LGI2: variants seen among roughly 807,000 people sequenced by gnomAD.
The protein encoded by LGI2 is leucine-rich repeat LGI family member 2.
LGI2 carries 30 observed loss-of-function variants against 52.0 expected under a neutral mutation model. The observed-to-expected ratio is 0.58, with a 90% CI of 0.43 to 0.78. The LOEUF (loss-of-function observed/expected upper bound fraction) is 0.78, where lower values mean the gene tolerates loss of function less well. Among genes scored for constraint, LGI2 ranks in the 30% least tolerant of loss-of-function variants. The pLI is 0.00. For synonymous variants in LGI2, 270 were observed against 271.8 expected (o/e 0.99, Z 0.06); for missense variants, 573 against 692.5 (o/e 0.83, Z 1.94).
rs1343070540 is a variant in LGI2 at position 25,030,620 on chromosome 4, G to T, written c.74C>A (p.Pro25Gln). 1 of 1,556,482 alleles carries T rather than the reference G, an allele frequency of 6.4e-7. No homozygotes were observed. Among genetic ancestry groups the T allele is most frequent in the African/African-American group, 1.4e-5 (1 of 73,434 alleles). Reference protein sequence around the residue: ...LLLLGAACLIPRSAQVRRLAR... With the variant: ...LLLLGAACLIQRSAQVRRLAR... ...CAGCCGCCTCACCTGCGCGCTCCGC[G>T]GTATCAGGCACGCGGCGCCCAGCAG... Residue 25 changes from proline (P) to glutamine (Q), a missense_variant, in exon 1 of 8, where the codon CCG becomes CAG. Pro to Gln is a moderately conservative substitution (Grantham distance 76). Transcript: ENST00000382114.
At chr4:24,994,467 G>A (rs1724999549), downstream of LGI2, among the ~76,000 whole-genome samples, 1 of 152,164 alleles carries the variant, frequency 6.6e-6, no homozygotes, top group Non-Finnish European at 1.5e-5. Context: ...GCACAAGTCT[G>A]CAGGCCTCAC....
At chr4:25,008,739 C>G (rs1250748300) in intron 7 of LGI2, among the ~76,000 whole-genome samples, 1 of 152,140 alleles carries the variant, frequency 6.6e-6, no homozygotes, top group African/African-American at 2.4e-5. Context: ...AGATCAAAAG[C>G]CAGTCTGATG....
chr4:25,008,218 G>A (rs1044456444), intron 7 of LGI2, among the ~76,000 whole-genome samples: 2 of 152,090 alleles, frequency 1.3e-5, no homozygotes, highest in Non-Finnish European at 2.9e-5. Context: ...AGAGTCTGTG[G>A]GTGGAAAAGG....
At chr4:25,027,724 A>T (rs550427758) in intron 2 of LGI2, among the ~76,000 whole-genome samples, 20 of 152,336 alleles carry the variant, frequency 1.3e-4, no homozygotes, top group African/African-American at 4.8e-4. Flanking sequence ...CTCATCTCAA[A>T]TTTAAGAAAC....
Position 25,001,956 on chromosome 4 carries a change from C to T in LGI2, c.*1495G>A, listed in dbSNP as rs533062081. The T allele has an allele frequency of 1.3e-5, 2 of 152,352 alleles. No individual in the cohort carries two copies. Among genetic ancestry groups the T allele is most frequent in the South Asian group, 4.1e-4 (2 of 4,828 alleles). The allele number at this position is 152,352 out of a possible 1,614,324, so 9.4% of individuals were successfully genotyped here. A position where few individuals can be genotyped will look rare whatever the true frequency, so the allele number is the denominator to read the frequency against. Reference sequence around the variant, plus strand: ...CTAGGAATGAAGTTGTTGGGTTTCTCTTTCAGAGCTACCCCTAAAGGCATT... The same window carrying T: ...CTAGGAATGAAGTTGTTGGGTTTCTTTTTCAGAGCTACCCCTAAAGGCATT... On this transcript the variant is annotated 3_prime_UTR_variant, in exon 8 of 8. Coordinates refer to ENST00000382114, the MANE Select transcript of LGI2 (RefSeq NM_018176.4).
chr4:25,011,828 T>C (rs576499485), intron 7 of LGI2, among the ~76,000 whole-genome samples: 2 of 152,324 alleles, frequency 1.3e-5, no homozygotes, highest in East Asian at 3.9e-4. Flanking sequence ...AAATGCCTAA[T>C]TTAGGGATCC....
At chr4:25,017,487 A>G (rs1725808647) in intron 6 of LGI2, among the ~76,000 whole-genome samples, 1 of 134,288 alleles carries the variant, frequency 7.4e-6, no homozygotes, top group Admixed American at 8.3e-5. Context: ...GATTGCAGTG[A>G]GTTGAGATCA....
rs1024689288 is a variant in LGI2 at position 25,003,117 on chromosome 4, G to A, written c.*334C>T. 1 of 189,842 alleles carries A rather than the reference G, an allele frequency of 5.3e-6. No individual in the cohort carries two copies. The allele number at this position is 189,842 out of a possible 1,614,324, so 11.8% of individuals were successfully genotyped here. The stretch of plus-strand genomic sequence containing the variant: ...TTTTTTTTATTTCATTATAAGTGCT[G>A]TCCCATCTTATCCAATTGTCTTCTT... On this transcript the variant is annotated 3_prime_UTR_variant, in exon 8 of 8. Coordinates refer to ENST00000382114, the MANE Select transcript of LGI2 (RefSeq NM_018176.4).
rs1725298385 is a variant in LGI2 at position 25,003,245 on chromosome 4, A to G, written c.*206T>C. 2.4e-5 allele frequency: 11 copies of G among 466,222 alleles called. No homozygotes were observed. The highest frequency in any genetic ancestry group is 3.7e-5 in the Non-Finnish European group (10 of 267,774). The allele number at this position is 466,222 out of a possible 1,614,324, so 28.9% of individuals were successfully genotyped here. A position where few individuals can be genotyped will look rare whatever the true frequency, so the allele number is the denominator to read the frequency against. ...TACAGGCTTTAAGATTTTTTTTTAAATGGTAGAATGGGCATGTCATGCAGT... is the reference window on the plus strand; with the variant it reads ...TACAGGCTTTAAGATTTTTTTTTAAGTGGTAGAATGGGCATGTCATGCAGT... On this transcript the variant is annotated 3_prime_UTR_variant, in exon 8 of 8. Coordinates refer to ENST00000382114, the MANE Select transcript of LGI2 (RefSeq NM_018176.4).
chr4:25,021,856 G>T (rs1322412113), intron 4 of LGI2, among the ~76,000 whole-genome samples: 1 of 147,576 alleles, frequency 6.8e-6, no homozygotes, highest in African/African-American at 2.5e-5. Flanking sequence ...GCTTGAACTC[G>T]CAAGGCTGAG....
downstream of LGI2, among the ~76,000 whole-genome samples, chr4:24,995,921 T>C (rs1725062426): frequency 6.6e-6 from 1 of 152,128 alleles, no homozygotes; most frequent in Non-Finnish European, 1.5e-5. Flanking sequence ...AAAACTGATA[T>C]GGATAAATAT....
chr4:25,024,997 A>AT (rs1035864341), intron 3 of LGI2, 106 bp from the exon 4 acceptor site: 66 of 743,028 alleles, frequency 8.9e-5, no homozygotes, highest in Admixed American at 5.6e-4. Context: ...TTCCTGAATT[A>AT]TAAGAATTGA....
intron 6 of LGI2, among the ~76,000 whole-genome samples, chr4:25,012,884 T>A (rs899570560): frequency 2.0e-5 from 3 of 152,242 alleles, no homozygotes; most frequent in Non-Finnish European, 4.4e-5. Flanking sequence ...AAGCGGGGGC[T>A]GCGGTCCAGT....
At chr4:25,016,602 A>T (rs1725768082) in intron 6 of LGI2, among the ~76,000 whole-genome samples, 1 of 152,200 alleles carries the variant, frequency 6.6e-6, no homozygotes, top group South Asian at 2.1e-4. Context: ...TGATGAAAGG[A>T]AAAGTCATTT....
At chr4:24,992,717 C>T in the LGI2 span, among the ~76,000 whole-genome samples, 1 of 152,022 alleles carries the variant, frequency 6.6e-6, no homozygotes, top group Non-Finnish European at 1.5e-5. Flanking sequence ...ATTAGACAGC[C>T]CTTCATGAAG....
In LGI2 at chr4:25,012,342, G is replaced by C; in HGVS notation, c.813C>G (p.Asn271Lys). The change falls in exon 7 of 8, where the codon AAC becomes AAG. Residue 271 changes from asparagine to lysine, a missense_variant. By Grantham distance (94) the Asn-to-Lys change is moderately conservative (BLOSUM62 0). Coordinates refer to ENST00000382114, the MANE Select transcript of LGI2 (RefSeq NM_018176.4). Reference sequence around the variant, plus strand: ...ATCAAAGCCACAACACACCTGTAATGTTGTCATAGCTCCGGAAATTCATTT... The same window carrying C: ...ATCAAAGCCACAACACACCTGTAATCTTGTCATAGCTCCGGAAATTCATTT... The part of the protein sequence containing the change: ...HIEMNFRSYD[N>K]ITGQSIVGCK... The C allele has an allele frequency of 6.2e-7, 1 of 1,614,246 alleles. No homozygotes were observed. The highest frequency in any genetic ancestry group is 8.5e-7 in the Non-Finnish European group (1 of 1,180,036).
intron 5 of LGI2, among the ~76,000 whole-genome samples, chr4:25,018,762 T>A (rs1725853496): frequency 6.6e-6 from 1 of 151,754 alleles, no homozygotes; most frequent in Non-Finnish European, 1.5e-5. Context: ...CTCAGGAGGC[T>A]GAGGCAGGAG....
chr4:25,029,908 G>A (rs984314734), intron 1 of LGI2, among the ~76,000 whole-genome samples: 15 of 152,204 alleles, frequency 9.9e-5, no homozygotes, highest in Admixed American at 9.2e-4. Flanking sequence ...CCCAGAGCCT[G>A]CATGCCTTGA....
At chr4:25,028,046 C>T (rs1023991767) in intron 2 of LGI2, among the ~76,000 whole-genome samples, 1 of 152,152 alleles carries the variant, frequency 6.6e-6, no homozygotes, top group Non-Finnish European at 1.5e-5. Flanking sequence ...TTCATCATAC[C>T]GATGAAGTGA....
Sources: allele counts gnomAD v4.1 joint callset (sites outside exome capture counted in the v4.1 genomes callset), GRCh38; gene constraint gnomAD v4.1.1; transcripts MANE v1.5; gene names NCBI Gene and HGNC (gene_info 2026-07-23, HGNC 2026-07-21).